The following GFOD2 variants were observed in gnomAD, a reference collection of about 807,000 sequenced individuals.
The protein encoded by GFOD2 is Gfo/Idh/MocA-like oxidoreductase domain containing 2.
Under a neutral mutation model 24.6 loss-of-function variants are expected in GFOD2, and 9 were observed. The observed-to-expected ratio is 0.37, with a 90% confidence interval of 0.22 to 0.64. GFOD2 has a LOEUF of 0.64. Among genes scored for constraint, GFOD2 ranks in the 30% least tolerant of loss-of-function variants. The pLI, the probability that GFOD2 is intolerant of heterozygous loss-of-function variation, is 0.65. For missense variants in GFOD2, 476 were observed against 532.5 expected, an observed-to-expected ratio of 0.89 and a Z score of 1.04; for synonymous variants, 211 against 224.8, an observed-to-expected ratio of 0.94 and a Z score of 0.55.
At chr16:67,705,784 C>CA (rs1317215872) in intron 1 of GFOD2, among the ~76,000 whole-genome samples, 1 of 151,530 alleles carries the variant, frequency 6.6e-6, no homozygotes, top group Non-Finnish European at 1.5e-5. Context: ...ACTAAAAATA[C>CA]AAAAAATTAG....
intron 1 of GFOD2, among the ~76,000 whole-genome samples, chr16:67,718,943 C>A (rs1269502035): frequency 1.3e-5 from 2 of 152,198 alleles, no homozygotes; most frequent in African/African-American, 2.4e-5. Context: ...TACCACCAAG[C>A]CTGCGGGTCC....
chr16:67,715,594 C>T (rs1471217143), intron 1 of GFOD2, among the ~76,000 whole-genome samples: 1 of 152,092 alleles, frequency 6.6e-6, no homozygotes, highest in Non-Finnish European at 1.5e-5. Context: ...TTTAAAACAC[C>T]TGCCATTTAA....
intron 1 of GFOD2, among the ~76,000 whole-genome samples, chr16:67,702,173 C>T (rs1200624263): frequency 6.6e-6 from 1 of 152,138 alleles, no homozygotes; most frequent in African/African-American, 2.4e-5. Context: ...GCCATACGGC[C>T]CACACAGCTT....
Position 67,676,302 on chromosome 16 carries a change from T to A in GFOD2, c.260-249A>T, listed in dbSNP as rs945297031. 1.1e-4 allele frequency: 42 copies of A among 373,166 alleles called. No individual in the cohort carries two copies. The South Asian group carries it at 1.3e-3, about 11-fold the overall frequency. The allele number at this position is 373,166 out of a possible 1,614,324, so 23.1% of individuals were successfully genotyped here. A position where few individuals can be genotyped will look rare whatever the true frequency, so the allele number is the denominator to read the frequency against. ...ACCACCACGCCTGGCTAATTTAAAA[T>A]TTTTTTTTTGTAGAGATGGGGTCCT... is the stretch of plus-strand genomic sequence containing the variant. On this transcript the variant is annotated intron_variant, in intron 2 of 2. Transcript: ENST00000268797.
chr16:67,700,059 G>C, intron 1 of GFOD2, among the ~76,000 whole-genome samples: 1 of 150,002 alleles, frequency 6.7e-6, no homozygotes, highest in East Asian at 2.0e-4. Context: ...TGGGCAACAA[G>C]AGCATGACCC....
rs760702148 is a variant in GFOD2, at chr16:67,675,721, G to T, written c.592C>A (p.His198Asn). 1.2e-6 allele frequency: 2 copies of T among 1,614,078 alleles called. No individual in the cohort carries two copies. Among genetic ancestry groups the T allele is most frequent in the South Asian group, 2.2e-5 (2 of 91,086 alleles). The change falls in exon 3 of 3, where the codon CAC becomes AAC. Residue 198 changes from histidine to asparagine, a missense_variant. His to Asn is a moderately conservative substitution (Grantham distance 68). Transcript: ENST00000268797. Reference protein sequence around the residue: ...HLTGRRAEKVHGLLKTFVRQN... With the variant: ...HLTGRRAEKVNGLLKTFVRQN... ...CTCACGAATGTCTTGAGCAGCCCGT[G>T]CACCTTCTCGGCTCTCCGGCCGGTC...
chr16:67,691,509 C>T (rs2053312937), intron 1 of GFOD2, among the ~76,000 whole-genome samples: 1 of 126,240 alleles, frequency 7.9e-6, no homozygotes, highest in East Asian at 2.1e-4. Flanking sequence ...TGTGCCTAGA[C>T]CCCCCCCCAA....
At chr16:67,698,067 T>C (rs1405084715) in intron 1 of GFOD2, among the ~76,000 whole-genome samples, 1 of 152,206 alleles carries the variant, frequency 6.6e-6, no homozygotes, top group Non-Finnish European at 1.5e-5. Context: ...CTCCAGGTCC[T>C]CTGGCTTCCA....
intron 1 of GFOD2, among the ~76,000 whole-genome samples, chr16:67,696,687 A>G (rs1442726526): frequency 1.3e-5 from 2 of 151,788 alleles, no homozygotes; most frequent in Non-Finnish European, 2.9e-5. Flanking sequence ...GTTAGCCAGG[A>G]TGGTCTGGAT....
intron 1 of GFOD2, among the ~76,000 whole-genome samples, chr16:67,696,338 G>T (rs536395871): frequency 2.0e-5 from 3 of 147,192 alleles, no homozygotes; most frequent in Admixed American, 6.8e-5. Context: ...TTTTTTAAAT[G>T]ATCTATTACG....
intron 1 of GFOD2, among the ~76,000 whole-genome samples, chr16:67,700,117 T>C (rs1411746337): frequency 1.3e-5 from 2 of 151,522 alleles, no homozygotes; most frequent in African/African-American, 4.9e-5. Flanking sequence ...CTCACGCCTA[T>C]AATCCCAGCA....
At chr16:67,704,919 C>T (rs1298404578) in intron 1 of GFOD2, among the ~76,000 whole-genome samples, 2 of 152,228 alleles carry the variant, frequency 1.3e-5, no homozygotes. Flanking sequence ...TCATCTGGCA[C>T]CTGCCTCTGC....
At chr16:67,689,559 T>C (rs2053295345) in intron 1 of GFOD2, among the ~76,000 whole-genome samples, 2 of 151,790 alleles carry the variant, frequency 1.3e-5, no homozygotes, top group South Asian at 4.1e-4. Flanking sequence ...TAATTCCAGC[T>C]ACTCGGGAGG....
chr16:67,691,709 ACTCCTCTT>A (rs1254684220), intron 1 of GFOD2, among the ~76,000 whole-genome samples: 1 of 150,816 alleles, frequency 6.6e-6, no homozygotes, highest in Non-Finnish European at 1.5e-5. Flanking sequence ...AACTAAACTT[ACTCCTCTT>A]TTGTGTCCTC....
intron 1 of GFOD2, among the ~76,000 whole-genome samples, 176 bp downstream of exon 1, chr16:67,718,987 G>A (rs2053525656): frequency 6.6e-6 from 1 of 152,128 alleles, no homozygotes; most frequent in South Asian, 2.1e-4. Flanking sequence ...ATCCCAAGGC[G>A]ACCCTCCACT....
At chr16:67,717,232 C>T (rs1408238568) in intron 1 of GFOD2, among the ~76,000 whole-genome samples, 2 of 152,164 alleles carry the variant, frequency 1.3e-5, no homozygotes, top group Non-Finnish European at 2.9e-5. Context: ...CACCTGTTAA[C>T]ATTATTATAC....
chr16:67,674,909 G>A lies in GFOD2; in HGVS notation c.*246C>T, dbSNP rs953445878. On this transcript the variant is annotated 3_prime_UTR_variant, in exon 3 of 3. Transcript: ENST00000268797. ...GTCCGACTCACTGGCATCACCATGAGGAGGCCTGGCGGCAGCTCTGCCCTG... is the reference window on the plus strand; with the variant it reads ...GTCCGACTCACTGGCATCACCATGAAGAGGCCTGGCGGCAGCTCTGCCCTG... 4.2e-5 allele frequency: 21 copies of A among 503,144 alleles called. No individual in the cohort carries two copies. Among genetic ancestry groups the A allele is most frequent in the African/African-American group, 3.8e-4 (20 of 52,058 alleles). 31.2% of individuals were successfully genotyped at this position (503,144 alleles called of 1,614,324 possible).
intron 1 of GFOD2, among the ~76,000 whole-genome samples, chr16:67,695,617 C>T (rs938381642): frequency 6.7e-6 from 1 of 150,306 alleles, no homozygotes; most frequent in Non-Finnish European, 1.5e-5. Context: ...CCCACTGCAA[C>T]CTCAGCCTCC....
At chr16:67,677,706 C>CTGTGTATTGCTTTAAAAGCAT (rs1486895675) in intron 2 of GFOD2, 1 of 152,264 alleles carries the variant, frequency 6.6e-6, no homozygotes, top group Middle Eastern at 3.2e-3. Flanking sequence ...TACACAGAGC[C>CTGTGTATTGCTTTAAAAGCAT]TACATGCAAT....
Sources: allele counts gnomAD v4.1 joint callset (sites outside exome capture counted in the v4.1 genomes callset), GRCh38; gene constraint gnomAD v4.1.1; transcripts MANE v1.5; gene names NCBI Gene and HGNC (gene_info 2026-07-23, HGNC 2026-07-21).